The following DENND1A variants were observed in gnomAD, a reference collection of about 807,000 sequenced individuals.
DENND1A encodes the protein DENN domain-containing protein 1A.
Under a neutral mutation model 113.7 loss-of-function variants are expected in DENND1A, and 51 were observed. That is an observed-to-expected ratio of 0.45 (90% confidence interval 0.36 to 0.57). The LOEUF is 0.57. Ranked by LOEUF, DENND1A falls within the 20% of genes least tolerant of loss-of-function variation. The pLI is 0.00. For missense variants in DENND1A, 1,258 were observed against 1,395.9 expected, an observed-to-expected ratio of 0.90 and a Z score of 1.57; for synonymous variants, 565 against 570.8, an observed-to-expected ratio of 0.99 and a Z score of 0.14.
At chr9:123,594,614 C>T (rs2137154021) in intron 11 of DENND1A, among the ~76,000 whole-genome samples, 1 of 151,742 alleles carries the variant, frequency 6.6e-6, no homozygotes, top group East Asian at 1.9e-4. Flanking sequence ...CCAGACTCCA[C>T]TAAAATTCCC....
chr9:123,761,730 T>A (rs1000733562), intron 4 of DENND1A, among the ~76,000 whole-genome samples: 1 of 152,190 alleles, frequency 6.6e-6, no homozygotes, highest in Admixed American at 6.5e-5. Context: ...CAATTTCCAA[T>A]AAACTAAAGG....
intron 5 of DENND1A, among the ~76,000 whole-genome samples, chr9:123,739,158 T>C (rs1186278587): frequency 1.3e-5 from 2 of 152,172 alleles, no homozygotes; most frequent in Non-Finnish European, 1.5e-5. Context: ...TTGCTTTTCA[T>C]TAGCAAAAGT....
At chr9:123,663,788 A>T (rs911218844) in intron 8 of DENND1A, among the ~76,000 whole-genome samples, 3 of 152,150 alleles carry the variant, frequency 2.0e-5, no homozygotes, top group African/African-American at 4.8e-5. Flanking sequence ...TACAAGAAAA[A>T]CAGATATAAA....
rs2042247563 is a variant in DENND1A, at chr9:123,381,147, G to C, written c.*285C>G. On this transcript the variant is annotated 3_prime_UTR_variant, in exon 24 of 24. Coordinates refer to ENST00000394215, the MANE Select transcript of DENND1A (RefSeq NM_001352964.2). The surrounding 1 kb of genome is among the most constrained non-coding windows in gnomAD (Gnocchi z 4.7). ...CTGGAGCAATATCATTGGCCCAGCT[G>C]ACCTCTTTAGTGCAAAACCCAATCA... The C allele has an allele frequency of 9.9e-5, 44 of 444,696 alleles. 1 individual carries two copies. In the South Asian group the frequency reaches 1.1e-3, roughly 11 times the overall value. 27.5% of individuals were successfully genotyped at this position (444,696 alleles called of 1,614,324 possible).
chr9:123,622,981 A>G (rs2061029750), intron 10 of DENND1A, among the ~76,000 whole-genome samples: 1 of 152,254 alleles, frequency 6.6e-6, no homozygotes, highest in South Asian at 2.1e-4. Context: ...GCACAGATCT[A>G]AAGTAGAAAG....
chr9:123,757,740 A>G lies in DENND1A; in HGVS notation c.265T>C (p.Leu89=), dbSNP rs1034197374. The part of the protein sequence containing the change: ...DSKQRFGFCR[L]SSGAKSCFCI... ...AAGCAGCTCTTCGCTCCTGAAGATA[A>G]GCGGCAGAACCCGAATCTCTGTTTG... Residue 89 remains leucine (L), a synonymous_variant, in exon 5 of 24, where the codon TTA becomes CTA. Transcript: ENST00000394215. The G allele has an allele frequency of 6.2e-7, 1 of 1,614,100 alleles. No homozygotes were observed. Among genetic ancestry groups the G allele is most frequent in the Admixed American group, 1.7e-5 (1 of 60,030 alleles).
chr9:123,470,944 G>A (rs913086530), intron 13 of DENND1A, among the ~76,000 whole-genome samples: 8 of 152,140 alleles, frequency 5.3e-5, no homozygotes, highest in South Asian at 4.1e-4. Flanking sequence ...GTTTCTAGTC[G>A]TGAGCACGTG....
chr9:123,588,766 C>CTT, intron 11 of DENND1A, among the ~76,000 whole-genome samples: 3 of 137,270 alleles, frequency 2.2e-5, no homozygotes, highest in African/African-American at 8.6e-5. Flanking sequence ...TGAAATAATT[C>CTT]TATTTTGTTT....
intron 1 of DENND1A, among the ~76,000 whole-genome samples, chr9:123,879,760 T>C (rs1848055007): frequency 6.6e-6 from 1 of 152,134 alleles, no homozygotes; most frequent in African/African-American, 2.4e-5. Context: ...AAAACACGAA[T>C]GTGACAAGAT....
rs966670260 is a variant in DENND1A, at chr9:123,758,114, G to A, written c.183-292C>T. On this transcript the variant is annotated intron_variant, in intron 4 of 23. Coordinates refer to ENST00000394215, the MANE Select transcript of DENND1A (RefSeq NM_001352964.2). ...CTCTGTTAGTCAGCCCATCAATTCC[G>A]AAAGGTGCCCTCTATTAACCTCATT... is the stretch of plus-strand genomic sequence containing the variant. Among the ~76,000 whole-genome samples, 5 of 151,992 alleles carry A rather than the reference G, an allele frequency of 3.3e-5. No individual in the cohort carries two copies. In the South Asian group the frequency reaches 6.2e-4, roughly 19 times the overall value.
intron 10 of DENND1A, among the ~76,000 whole-genome samples, chr9:123,629,743 T>C (rs925034643): frequency 2.0e-5 from 3 of 152,220 alleles, no homozygotes; most frequent in East Asian, 3.8e-4. Flanking sequence ...GCTGCCTGGC[T>C]TGTGCTCCCA....
chr9:123,674,561 C>T (rs920045033), intron 6 of DENND1A, among the ~76,000 whole-genome samples: 1 of 152,176 alleles, frequency 6.6e-6, no homozygotes, highest in African/African-American at 2.4e-5. Context: ...AGGCAGATTT[C>T]CTATCATCTG....
At chr9:123,530,072 G>C (rs1175722738) in intron 13 of DENND1A, among the ~76,000 whole-genome samples, 1 of 152,210 alleles carries the variant, frequency 6.6e-6, no homozygotes, top group Non-Finnish European at 1.5e-5. Context: ...GAGCAGGTAA[G>C]AGCATGGCTA....
At chr9:123,398,694 A>T (rs10818814) in intron 21 of DENND1A, among the ~76,000 whole-genome samples, 58,984 of 149,876 alleles carry the variant, frequency 0.39, 13,961 homozygotes, top group Non-Finnish European at 0.54. Flanking sequence ...GCTCTTTCTA[A>T]GCACCCAGTT....
chr9:123,882,878 A>G (rs1213180452), intron 1 of DENND1A, among the ~76,000 whole-genome samples: 3 of 152,226 alleles, frequency 2.0e-5, no homozygotes, highest in Admixed American at 6.5e-5. Flanking sequence ...TGTGAAATTT[A>G]CCACAATTTA....
At chr9:123,834,275 CA>C (rs1302652302) in intron 2 of DENND1A, among the ~76,000 whole-genome samples, 1 of 152,118 alleles carries the variant, frequency 6.6e-6, no homozygotes, top group Non-Finnish European at 1.5e-5. Context: ...ATCATAAAAG[CA>C]GTCATCATTT....
intron 19 of DENND1A, among the ~76,000 whole-genome samples, chr9:123,420,818 G>C (rs539768404): frequency 7.2e-4 from 108 of 150,702 alleles, no homozygotes; most frequent in African/African-American, 2.5e-3. Context: ...GGAAGGCTGC[G>C]TGGGGGCCGG....
At chr9:123,805,626 G>A (rs1483957720) in intron 2 of DENND1A, among the ~76,000 whole-genome samples, 4 of 151,982 alleles carry the variant, frequency 2.6e-5, no homozygotes, top group African/African-American at 9.7e-5. Flanking sequence ...TAGAGTCGGG[G>A]TTTCATCGTG....
At chr9:123,836,384 T>G (rs919248197) in intron 2 of DENND1A, among the ~76,000 whole-genome samples, 3 of 152,136 alleles carry the variant, frequency 2.0e-5, no homozygotes, top group Non-Finnish European at 4.4e-5. Context: ...CACACAAATT[T>G]CTTGACTATG....
Sources: allele counts gnomAD v4.1 joint callset (sites outside exome capture counted in the v4.1 genomes callset), GRCh38; gene constraint gnomAD v4.1.1; non-coding constraint Gnocchi (gnomAD v3.1); transcripts MANE v1.5; gene names NCBI Gene and HGNC (gene_info 2026-07-23, HGNC 2026-07-21).